Variants in RALYL observed in about 807,000 individuals in gnomAD.
The protein encoded by RALYL is RNA-binding Raly-like protein.
RALYL carries 29 observed loss-of-function variants against 35.1 expected under a neutral mutation model. The observed-to-expected ratio is 0.83, with a 90% CI of 0.61 to 1.13. The LOEUF is 1.13. Ranked by LOEUF, RALYL falls within the 50% of genes most tolerant of loss-of-function variation. The pLI, the probability that RALYL is intolerant of heterozygous loss-of-function variation, is 0.00. For synonymous variants in RALYL, 120 were observed against 127.6 expected, an observed-to-expected ratio of 0.94 and a Z score of 0.40; for missense variants, 359 against 360.4, an observed-to-expected ratio of 1.00 and a Z score of 0.03.
intron 2 of RALYL, among the ~76,000 whole-genome samples, chr8:84,729,209 C>G (rs1353436450): frequency 6.6e-6 from 1 of 151,896 alleles, no homozygotes; most frequent in Non-Finnish European, 1.5e-5. Context: ...TAAGTTGGAA[C>G]CTAGGTATTT....
intron 2 of RALYL, among the ~76,000 whole-genome samples, chr8:84,530,469 C>A (rs2059203688): frequency 6.8e-6 from 1 of 147,218 alleles, no homozygotes; most frequent in Admixed American, 6.9e-5. Context: ...ATAAAGGGAA[C>A]CCCCAATTTA....
intron 2 of RALYL, among the ~76,000 whole-genome samples, chr8:84,596,555 G>T (rs1360151172): frequency 6.6e-6 from 1 of 152,066 alleles, no homozygotes; most frequent in African/African-American, 2.4e-5. Flanking sequence ...CTAATTTGCT[G>T]GTCTTAGCTG....
At chr8:84,589,706 C>G (rs1812795614) in intron 2 of RALYL, among the ~76,000 whole-genome samples, 1 of 152,072 alleles carries the variant, frequency 6.6e-6, no homozygotes, top group African/African-American at 2.4e-5. Flanking sequence ...AACATCAGAA[C>G]CAGAGGGCAA....
chr8:84,196,240 C>T (rs1815245558), intron 1 of RALYL, among the ~76,000 whole-genome samples: 1 of 152,028 alleles, frequency 6.6e-6, no homozygotes, highest in South Asian at 2.1e-4. Flanking sequence ...AGTCCTCCCA[C>T]TGGACAGTGG....
intron 1 of RALYL, among the ~76,000 whole-genome samples, chr8:84,403,534 T>C (rs908516567): frequency 7.6e-6 from 1 of 132,168 alleles, no homozygotes; most frequent in African/African-American, 3.3e-5. Flanking sequence ...GTTTTTTTTT[T>C]TTTTTTTTTT....
chr8:84,908,998 A>G (rs1245943088), intron 8 of RALYL, among the ~76,000 whole-genome samples: 1 of 152,112 alleles, frequency 6.6e-6, no homozygotes, highest in Non-Finnish European at 1.5e-5. Flanking sequence ...AAAGTGAGAC[A>G]GCATTTCCAT....
At chr8:84,835,252 G>A (rs1005289771) in intron 4 of RALYL, among the ~76,000 whole-genome samples, 2 of 152,140 alleles carry the variant, frequency 1.3e-5, no homozygotes, top group African/African-American at 4.8e-5. Context: ...GAGCTGACAA[G>A]CATGAGTTGG....
intron 3 of RALYL, among the ~76,000 whole-genome samples, chr8:84,783,272 G>GC (rs1227107485): frequency 6.6e-6 from 1 of 152,112 alleles, no homozygotes; most frequent in African/African-American, 2.4e-5. Flanking sequence ...ATTTTCCCAA[G>GC]TCAGAAATCC....
intron 1 of RALYL, among the ~76,000 whole-genome samples, chr8:84,504,501 C>T (rs2056993854): frequency 6.6e-6 from 1 of 152,086 alleles, no homozygotes; most frequent in Non-Finnish European, 1.5e-5. Flanking sequence ...AAAAGGCCAA[C>T]ATATTAATAT....
chr8:84,367,333 T>G (rs1563800140), intron 1 of RALYL, among the ~76,000 whole-genome samples: 532 of 27,832 alleles, frequency 0.019, 36 homozygotes, highest in African/African-American at 0.12. Context: ...TTTTTTTTTT[T>G]TTTTTTTTTT....
At chr8:84,291,779 G>A (rs1321260318) in intron 1 of RALYL, among the ~76,000 whole-genome samples, 2 of 151,718 alleles carry the variant, frequency 1.3e-5, no homozygotes, top group African/African-American at 2.4e-5. Context: ...ATGGCATTAC[G>A]TTCATGCAGA....
chr8:84,749,866 C>A (rs1473372421), intron 2 of RALYL, among the ~76,000 whole-genome samples: 1 of 152,160 alleles, frequency 6.6e-6, no homozygotes, highest in Admixed American at 6.5e-5. Flanking sequence ...GAAAGCTGCC[C>A]AGGGAAGATG....
chr8:84,853,524 A>G (rs1836314921), intron 5 of RALYL, among the ~76,000 whole-genome samples: 1 of 152,194 alleles, frequency 6.6e-6, no homozygotes, highest in Admixed American at 6.5e-5. Context: ...CTACAGTATG[A>G]ACAATTTTCA....
intron 1 of RALYL, among the ~76,000 whole-genome samples, chr8:84,490,685 A>T (rs754231780): frequency 6.6e-6 from 1 of 151,230 alleles, no homozygotes; most frequent in Non-Finnish European, 1.5e-5. Flanking sequence ...GATAAAAAAG[A>T]TGTGGGTATT....
rs769845435 is a variant in RALYL at position 84,403,524 on chromosome 8, G to GTTTTTTTTTTTTT, written c.-23-125757_-23-125745dup. On this transcript the variant is annotated intron_variant, in intron 1 of 8. Transcript: ENST00000521268. ...TTCTGTTCCATTGGTCTATATCTCT[G>GTTTTTTTTTTTTT]TTTTTTTTTTTTTTTTTTTTTTTTT... is the stretch of plus-strand genomic sequence containing the variant. Among the ~76,000 whole-genome samples, 19 of 39,472 alleles carry GTTTTTTTTTTTTT rather than the reference G, an allele frequency of 4.8e-4. 4 individuals carry two copies. Among genetic ancestry groups the GTTTTTTTTTTTTT allele is most frequent in the East Asian group, 1.1e-3 (1 of 912 alleles). The allele number at this position is 39,472 out of a possible 152,430, so 25.9% of individuals were successfully genotyped here.
At chr8:84,331,645 G>T (rs1318251057) in intron 1 of RALYL, among the ~76,000 whole-genome samples, 4 of 151,954 alleles carry the variant, frequency 2.6e-5, no homozygotes, top group African/African-American at 9.7e-5. Context: ...TTATCTGAAA[G>T]GTCTATATAA....
At chr8:84,305,276 T>C (rs1001593402) in intron 1 of RALYL, among the ~76,000 whole-genome samples, 3 of 152,316 alleles carry the variant, frequency 2.0e-5, no homozygotes, top group African/African-American at 7.2e-5. Context: ...CATAAAGTAA[T>C]ACAAGACTCA....
At chr8:84,471,817 A>G (rs1183311187) in intron 1 of RALYL, among the ~76,000 whole-genome samples, 1 of 152,226 alleles carries the variant, frequency 6.6e-6, no homozygotes, top group Non-Finnish European at 1.5e-5. Flanking sequence ...GGATTTTGTG[A>G]GCAGGAAATA....
At chr8:84,423,548 T>C (rs553670068) in intron 1 of RALYL, among the ~76,000 whole-genome samples, 12 of 152,256 alleles carry the variant, frequency 7.9e-5, no homozygotes, top group East Asian at 5.8e-4. Flanking sequence ...AGTCCATTTA[T>C]ATTTAAATTT....
Sources: allele counts gnomAD v4.1 joint callset (sites outside exome capture counted in the v4.1 genomes callset), GRCh38; gene constraint gnomAD v4.1.1; transcripts MANE v1.5; gene names NCBI Gene and HGNC (gene_info 2026-07-23, HGNC 2026-07-21).